Variants in SLX9 observed in about 807,000 individuals in gnomAD.
SLX9 encodes SLX9 ribosome biogenesis factor.
A neutral mutation model predicts 20.8 loss-of-function variants in SLX9; 19 were observed. The observed-to-expected ratio is 0.91, with a 90% confidence interval of 0.64 to 1.34. The LOEUF is 1.34. Ranked by LOEUF, SLX9 falls within the 40% of genes most tolerant of loss-of-function variation. The pLI is 0.00. For missense variants in SLX9, 299 were observed against 322.2 expected (o/e 0.93, Z 0.55); for synonymous variants, 113 against 137.1 (o/e 0.82, Z 1.23).
intron 2 of SLX9, among the ~76,000 whole-genome samples, chr21:44,955,273 C>G (rs2084835447): frequency 6.6e-6 from 1 of 152,180 alleles, no homozygotes. Flanking sequence ...TCCCGCTTCC[C>G]CACTCCTAGT....
intron 1 of SLX9, among the ~76,000 whole-genome samples, chr21:44,942,777 A>G (rs1883072): frequency 0.9 from 136,597 of 152,156 alleles, 61,467 homozygotes; most frequent in African/African-American, 0.97. Context: ...ACTAAACCAC[A>G]TGGGGAGGCT....
intron 2 of SLX9, among the ~76,000 whole-genome samples, chr21:44,955,248 G>C (rs2146638208): frequency 6.8e-6 from 1 of 147,108 alleles, no homozygotes; most frequent in East Asian, 2.0e-4. Context: ...GGAAAACAGA[G>C]AGAGACAGGG....
chr21:44,954,895 ACAC>A (rs1164890194), intron 2 of SLX9, among the ~76,000 whole-genome samples: 1 of 152,140 alleles, frequency 6.6e-6, no homozygotes, highest in African/African-American at 2.4e-5. Context: ...TTTAAAATGG[ACAC>A]CTAATGACAA....
At chr21:44,975,179 G>A (rs1026453673) in intron 5 of SLX9, among the ~76,000 whole-genome samples, 10 of 152,164 alleles carry the variant, frequency 6.6e-5, no homozygotes, top group African/African-American at 2.2e-4. Context: ...TGGATCCTTC[G>A]ATCCCAAGAT....
chr21:44,975,136 G>A (rs1043749652), intron 5 of SLX9, among the ~76,000 whole-genome samples: 5 of 152,162 alleles, frequency 3.3e-5, no homozygotes, highest in Non-Finnish European at 2.9e-5. Flanking sequence ...GCTTTCTGGC[G>A]CCTGTGGACA....
intron 2 of SLX9, among the ~76,000 whole-genome samples, chr21:44,954,255 G>T (rs1008135549): frequency 6.6e-6 from 1 of 152,190 alleles, no homozygotes; most frequent in Non-Finnish European, 1.5e-5. Context: ...GCCAGATCCC[G>T]TGGACTCTGC....
Position 44,973,139 on chromosome 21 carries a change from C to T in SLX9, c.501-58C>T, listed in dbSNP as rs368223390. 285 of 1,594,574 alleles carry T rather than the reference C, an allele frequency of 1.8e-4. No individual in the cohort carries two copies. In the African/African-American group the frequency reaches 2.1e-3, roughly 12 times the overall value. ...GAAGGGAGGAGCCAGCCTCTGCCCA[C>T]GGGAAGGTGTTTAGGGGATGCTGGA... is the stretch of plus-strand genomic sequence containing the variant. On this transcript the variant is annotated intron_variant, in intron 4 of 5. Transcript: ENST00000291634.
chr21:44,943,942 A>AGC (rs2084596911), intron 2 of SLX9, 105 bp downstream of exon 2: 1 of 1,481,698 alleles, frequency 6.7e-7, no homozygotes, highest in Admixed American at 1.9e-5. Context: ...TGTACCTGAC[A>AGC]ATGTCCTTGA....
At chr21:44,970,959 A>G (rs1345836529) in intron 4 of SLX9, among the ~76,000 whole-genome samples, 1 of 152,140 alleles carries the variant, frequency 6.6e-6, no homozygotes, top group Non-Finnish European at 1.5e-5. Context: ...GGGGTGCAGG[A>G]TGCAGAGCTG....
intron 5 of SLX9, among the ~76,000 whole-genome samples, chr21:44,975,104 T>C (rs902847512): frequency 6.6e-6 from 1 of 152,238 alleles, no homozygotes; most frequent in Admixed American, 6.5e-5. Flanking sequence ...GCCAGAGGTC[T>C]GTTCCCTTTC....
At chr21:44,968,087 T>G (rs1266346285) in intron 4 of SLX9, among the ~76,000 whole-genome samples, 1 of 151,292 alleles carries the variant, frequency 6.6e-6, no homozygotes, top group Non-Finnish European at 1.5e-5. Flanking sequence ...TGGACCCCAG[T>G]GGGGCCCCTC....
intron 2 of SLX9, among the ~76,000 whole-genome samples, chr21:44,958,070 C>T (rs1213349184): frequency 1.3e-5 from 2 of 152,264 alleles, no homozygotes; most frequent in African/African-American, 4.8e-5. Flanking sequence ...TTACTGTCAG[C>T]TCTGGCTTGG....
chr21:44,941,008 G>GCTTTTGAAT (rs2084535778), intron 1 of SLX9, among the ~76,000 whole-genome samples: 1 of 151,422 alleles, frequency 6.6e-6, no homozygotes, highest in African/African-American at 2.4e-5. Context: ...GCCCAGAGGT[G>GCTTTTGAAT]CTTTTGAACC....
At chr21:44,975,031 G>C (rs1254162471) in intron 5 of SLX9, among the ~76,000 whole-genome samples, 1 of 152,220 alleles carries the variant, frequency 6.6e-6, no homozygotes, top group Non-Finnish European at 1.5e-5. Flanking sequence ...GATGGAGTTT[G>C]GTTTCTCGCT....
chr21:44,969,340 C>G, intron 4 of SLX9: 1 of 410,784 alleles, frequency 2.4e-6, no homozygotes, highest in South Asian at 1.7e-5. Flanking sequence ...GGTCAAGTAT[C>G]CTTTCCCTGT....
intron 3 of SLX9, among the ~76,000 whole-genome samples, chr21:44,965,587 T>C (rs946763665): frequency 2.0e-5 from 3 of 152,232 alleles, no homozygotes; most frequent in Non-Finnish European, 4.4e-5. Flanking sequence ...CTCTGCACAC[T>C]GGTGGTGGTG....
intron 5 of SLX9, among the ~76,000 whole-genome samples, chr21:44,975,309 G>A (rs914480538): frequency 2.0e-5 from 3 of 152,188 alleles, no homozygotes; most frequent in Non-Finnish European, 4.4e-5. Flanking sequence ...GCTCCCCTGA[G>A]TACGAAACCA....
chr21:44,972,808 C>G (rs1176783436), intron 4 of SLX9, among the ~76,000 whole-genome samples: 1 of 152,190 alleles, frequency 6.6e-6, no homozygotes, highest in Non-Finnish European at 1.5e-5. Flanking sequence ...GTCTGCGCAG[C>G]CTGCCCTGGC....
Position 44,959,845 on chromosome 21 carries a change from C to T in SLX9, c.284-255C>T, listed in dbSNP as rs373714093. Reference sequence around the variant, plus strand: ...CCTCCTTGTTGGGACACCTGCTTTCCGGGGCAGGCTGGGGTGAGTGGCCAG... The same window carrying T: ...CCTCCTTGTTGGGACACCTGCTTTCTGGGGCAGGCTGGGGTGAGTGGCCAG... On this transcript the variant is annotated intron_variant, in intron 2 of 5. Transcript: ENST00000291634. Among the ~76,000 whole-genome samples, 61 of 152,284 alleles carry T rather than the reference C, an allele frequency of 4.0e-4. 1 individual carries two copies. The East Asian group carries it at 5.6e-3, about 14-fold the overall frequency.
Sources: gnomAD v4.1 joint callset for allele counts (sites outside exome capture counted in the v4.1 genomes callset) on GRCh38, gnomAD v4.1.1 for gene constraint, MANE v1.5 for transcripts, NCBI Gene and HGNC (gene_info 2026-07-23, HGNC 2026-07-21) for gene names.